Variants in INSR observed in about 807,000 individuals in gnomAD.
INSR encodes the protein IR.
A neutral mutation model predicts 142.6 loss-of-function variants in INSR; 67 were observed. That is an observed-to-expected ratio of 0.47 (90% CI 0.39 to 0.58). The LOEUF is 0.58. INSR is among the 20% of genes least tolerant of loss of function. INSR has a pLI of 0.00. For missense variants in INSR, 1,248 were observed against 1,833.2 expected, an observed-to-expected ratio of 0.68 and a Z score of 5.83; for synonymous variants, 756 against 743.1, an observed-to-expected ratio of 1.02 and a Z score of -0.28.
chr19:7,170,702 C>T lies in INSR; in HGVS notation c.1318G>A (p.Asp440Asn), dbSNP rs1375755714. 7 of 1,613,876 alleles carry T rather than the reference C, an allele frequency of 4.3e-6. No homozygotes were observed. The African/African-American group carries it at 9.4e-5, about 22-fold the overall frequency. Reference protein sequence around the residue: ...LDNQNLRQLWDWSKHNLTITQ... With the variant: ...LDNQNLRQLWNWSKHNLTITQ... ...ATGGTGAGGTTGTGTTTGCTCCAGT[C>T]CCAGAGCTGCCTTAGGTTCTGGTTG... Residue 440 changes from aspartate (D) to asparagine (N), a missense_variant, in exon 6 of 22, where the codon GAC becomes AAC. By Grantham distance (23) the Asp-to-Asn change is conservative. Transcript: ENST00000302850.
At chr19:7,190,617 A>G (rs1196537918) in intron 2 of INSR, among the ~76,000 whole-genome samples, 2 of 152,022 alleles carry the variant, frequency 1.3e-5, no homozygotes, top group East Asian at 3.9e-4. Context: ...GGATCCACCC[A>G]TCTTGGCCTC....
chr19:7,123,169 T>A, intron 17 of INSR, 180 bp from the exon 18 acceptor site: 3 of 222,996 alleles, frequency 1.3e-5, no homozygotes, highest in Non-Finnish European at 9.0e-6. Flanking sequence ...GGCCTTTGTA[T>A]TTTTTTTTTT....
intron 12 of INSR, among the ~76,000 whole-genome samples, 170 bp from the exon 13 acceptor site, chr19:7,141,986 A>C (rs374077368): frequency 3.3e-5 from 5 of 152,128 alleles, no homozygotes; most frequent in African/African-American, 1.2e-4. Flanking sequence ...TAGGAAGATT[A>C]AATGGGTTAC....
intron 2 of INSR, among the ~76,000 whole-genome samples, chr19:7,205,782 C>T (rs890596013): frequency 2.6e-5 from 4 of 152,026 alleles, no homozygotes; most frequent in Admixed American, 2.0e-4. Flanking sequence ...CCCAGCTATT[C>T]GGGAGGCTGA....
chr19:7,119,718 ATGCAAACACACACG>A lies in INSR; in HGVS notation c.3660-149_3660-136del, dbSNP rs1255789323. On this transcript the variant is annotated intron_variant, in intron 20 of 21. Coordinates refer to ENST00000302850, the MANE Select transcript of INSR (RefSeq NM_000208.4). This position sits in a 1 kb window ranked among gnomAD's most constrained non-coding sequence, Gnocchi z 5.2. ...CCAACACATACATGCAAACACACAC[ATGCAAACACACACG>A]CACATACACGTGCACACACATGCAA... The A allele has an allele frequency of 4.2e-5, 41 of 966,220 alleles. No individual in the cohort carries two copies. In the Admixed American group the frequency reaches 7.6e-4, roughly 18 times the overall value. 59.9% of individuals were successfully genotyped at this position (966,220 alleles called of 1,614,324 possible).
Position 7,257,527 on chromosome 19 carries a change from C to CAA in INSR, c.652+9816_652+9817dup, listed in dbSNP as rs55712056. ...CCTCCTCCACCCAAACAGAGAGCTC[C>CAA]AAAAAAAAAAAAAAAAAATGCTAAT... On this transcript the variant is annotated intron_variant, in intron 2 of 21. Transcript: ENST00000302850. Among the ~76,000 whole-genome samples, 747 of 85,164 alleles carry CAA rather than the reference C, an allele frequency of 8.8e-3. 12 individuals are homozygous for CAA. Among genetic ancestry groups the CAA allele is most frequent in the African/African-American group, 0.034 (696 of 20,366 alleles). The allele number at this position is 85,164 out of a possible 152,430, so 55.9% of individuals were successfully genotyped here.
intron 2 of INSR, among the ~76,000 whole-genome samples, chr19:7,254,888 A>G (rs1276532245): frequency 1.3e-5 from 2 of 152,168 alleles, no homozygotes; most frequent in Non-Finnish European, 2.9e-5. Context: ...GCCAGTCACC[A>G]AGTTAGCAGA....
chr19:7,225,196 T>C lies in INSR; in HGVS notation c.653-40559A>G, dbSNP rs558033161. Among the ~76,000 whole-genome samples the C allele has an allele frequency of 6.4e-4, 97 of 152,134 alleles. No individual in the cohort carries two copies. The highest frequency in any genetic ancestry group is 2.2e-3 in the African/African-American group (92 of 41,492). On this transcript the variant is annotated intron_variant, in intron 2 of 21. Coordinates refer to ENST00000302850, the MANE Select transcript of INSR (RefSeq NM_000208.4). The surrounding 1 kb of genome is among the most constrained non-coding windows in gnomAD (Gnocchi z 4.7). ...AGGAGAAGACTGAGGCACAGAGAGG[T>C]TCAGTAACCTGCCCATGGTCACACA...
chr19:7,248,004 A>G (rs1976586905), intron 2 of INSR, among the ~76,000 whole-genome samples: 1 of 152,140 alleles, frequency 6.6e-6, no homozygotes, highest in Admixed American at 6.5e-5. Flanking sequence ...TATCACTACC[A>G]AAAGCAGGAC....
At chr19:7,191,109 C>T (rs376194804) in intron 2 of INSR, among the ~76,000 whole-genome samples, 2 of 151,952 alleles carry the variant, frequency 1.3e-5, no homozygotes, top group African/African-American at 4.8e-5. Flanking sequence ...CCAGCCTGGC[C>T]GACATGGTGA....
chr19:7,156,539 C>T (rs1973596709), intron 9 of INSR, among the ~76,000 whole-genome samples: 1 of 152,034 alleles, frequency 6.6e-6, no homozygotes, highest in Admixed American at 6.6e-5. Context: ...TGGGTGAAGA[C>T]CAGAGATGCT....
rs772597636 is a variant in INSR at position 7,174,623 on chromosome 19, G to C, written c.1083C>G (p.Thr361=). The change falls in exon 4 of 22, where the codon ACC becomes ACG. Residue 361 remains threonine, a synonymous_variant. Transcript: ENST00000302850. The part of the protein sequence containing the change: ...VTSAQELRGC[T]VINGSLIINI... ...TGATGATCAGACTCCCGTTGATGAC[G>C]GTGCATCCTCGGAGCTCCTGGGCAG... The C allele has an allele frequency of 1.2e-6, 2 of 1,613,976 alleles. No homozygotes were observed. Among genetic ancestry groups the C allele is most frequent in the South Asian group, 1.1e-5 (1 of 91,076 alleles).
At chr19:7,127,801 T>C (rs1292618657) in intron 15 of INSR, among the ~76,000 whole-genome samples, 1 of 152,164 alleles carries the variant, frequency 6.6e-6, no homozygotes, top group Non-Finnish European at 1.5e-5. Flanking sequence ...TGGAGTGCAA[T>C]GGTGCGATCT....
intron 2 of INSR, among the ~76,000 whole-genome samples, chr19:7,217,802 A>G (rs548532750): frequency 3.6e-4 from 55 of 152,178 alleles, no homozygotes; most frequent in African/African-American, 1.3e-3. Context: ...CTCGTGATCC[A>G]CCCGCCTTGG....
chr19:7,264,505 T>C (rs1005071705), intron 2 of INSR, among the ~76,000 whole-genome samples: 1 of 122,090 alleles, frequency 8.2e-6, no homozygotes, highest in Non-Finnish European at 1.8e-5. Context: ...CTAGAGCTTT[T>C]CAAACAAGCA....
At chr19:7,137,798 C>CAAAAAA (rs1176523364) in intron 13 of INSR, among the ~76,000 whole-genome samples, 4 of 41,468 alleles carry the variant, frequency 9.6e-5, no homozygotes, top group Non-Finnish European at 1.2e-4. Context: ...GACTCCATCT[C>CAAAAAA]AAAAAAAAAA....
At chr19:7,291,827 CAG>C (rs1439954665) in intron 1 of INSR, among the ~76,000 whole-genome samples, 3 of 152,154 alleles carry the variant, frequency 2.0e-5, no homozygotes, top group Non-Finnish European at 4.4e-5. Flanking sequence ...ATTTTTGAGA[CAG>C]AGTCTCGCTC....
intron 2 of INSR, among the ~76,000 whole-genome samples, chr19:7,195,174 T>C (rs1974711377): frequency 6.6e-6 from 1 of 152,184 alleles, no homozygotes; most frequent in African/African-American, 2.4e-5. Context: ...TTCTTAAAAA[T>C]TCTAGTTAAA....
intron 14 of INSR, among the ~76,000 whole-genome samples, chr19:7,130,532 G>A (rs1972749932): frequency 6.6e-6 from 1 of 152,166 alleles, no homozygotes; most frequent in Admixed American, 6.5e-5. Flanking sequence ...TCCCTACTGG[G>A]TACTGTATAA....
Sources: allele counts gnomAD v4.1 joint callset (sites outside exome capture counted in the v4.1 genomes callset), GRCh38; gene constraint gnomAD v4.1.1; non-coding constraint Gnocchi (gnomAD v3.1); transcripts MANE v1.5; gene names NCBI Gene and HGNC (gene_info 2026-07-23, HGNC 2026-07-21).